Variants in PPP4R1 observed in about 807,000 individuals in gnomAD.
PPP4R1 encodes serine/threonine-protein phosphatase 4 regulatory subunit 1.
PPP4R1 carries 42 observed loss-of-function variants against 111.2 expected under a neutral mutation model. That is an observed-to-expected ratio of 0.38 (90% confidence interval 0.29 to 0.49). PPP4R1 has a LOEUF of 0.49. Ranked by LOEUF, PPP4R1 falls within the 20% of genes least tolerant of loss-of-function variation. PPP4R1 has a pLI of 0.97. For missense variants in PPP4R1, 1,012 were observed against 1,161.6 expected (o/e 0.87, Z 1.87); for synonymous variants, 409 against 405.5 (o/e 1.01, Z -0.10).
chr18:9,555,425 G>C (rs917319034), intron 15 of PPP4R1, among the ~76,000 whole-genome samples: 3 of 152,148 alleles, frequency 2.0e-5, no homozygotes, highest in African/African-American at 7.2e-5. Context: ...CTGGATATGA[G>C]AGCACTGGTG....
chr18:9,588,256 C>T (rs778403201), intron 5 of PPP4R1, 21 bp from the exon 6 acceptor site: 1 of 1,609,442 alleles, frequency 6.2e-7, no homozygotes, highest in African/African-American at 1.3e-5. Context: ...AATAACAACA[C>T]AAAGAAAGTA....
intron 6 of PPP4R1, among the ~76,000 whole-genome samples, chr18:9,587,197 A>G (rs1329370119): frequency 6.6e-6 from 1 of 152,158 alleles, no homozygotes; most frequent in Admixed American, 6.5e-5. Context: ...TAAAATTTTA[A>G]CTGCACTGAT....
intron 10 of PPP4R1, among the ~76,000 whole-genome samples, chr18:9,573,544 A>G (rs553255775): frequency 1.3e-5 from 2 of 152,344 alleles, no homozygotes; most frequent in Admixed American, 1.3e-4. Context: ...GCAAATGGGT[A>G]AAACTTGTAA....
rs2067640651 is a variant in PPP4R1, at chr18:9,614,156, C to T, written c.52+70G>A. On this transcript the variant is annotated intron_variant, in intron 2 of 19. Coordinates refer to ENST00000400556, the MANE Select transcript of PPP4R1 (RefSeq NM_001042388.3). The surrounding 1 kb of genome is among the most constrained non-coding windows in gnomAD (Gnocchi z 4.1). ...CAGCCAGCCAGGGCCCGGCCCAGGC[C>T]TCGCCGCCGCCCGCCCTCCCCGGCC... is the stretch of plus-strand genomic sequence containing the variant. The T allele has an allele frequency of 1.6e-6, 2 of 1,250,568 alleles. No individual in the cohort carries two copies. The highest frequency in any genetic ancestry group is 2.0e-6 in the Non-Finnish European group (2 of 980,096). 77.5% of individuals were successfully genotyped at this position (1,250,568 alleles called of 1,614,324 possible).
chr18:9,607,474 G>A (rs2067501065), intron 2 of PPP4R1, among the ~76,000 whole-genome samples: 1 of 151,738 alleles, frequency 6.6e-6, no homozygotes, highest in South Asian at 2.1e-4. Context: ...AATATATAAC[G>A]AACTCTCAAA....
Position 9,614,249 on chromosome 18 carries a change from T to C in PPP4R1, c.29A>G (p.Asp10Gly). 1 of 1,338,536 alleles carries C rather than the reference T, an allele frequency of 7.5e-7. No individual in the cohort carries two copies. Among genetic ancestry groups the C allele is most frequent in the South Asian group, 1.7e-5 (1 of 58,848 alleles). 82.9% of individuals were successfully genotyped at this position (1,338,536 alleles called of 1,614,324 possible). ...ACATCCGTCTGCGTCCTCCTGCAGG[T>C]CCTCCTGAAGCAGCGAGAGGTCTGC... Reference protein sequence around the residue: MADLSLLQEDLQEDADGFGV... With the variant: MADLSLLQEGLQEDADGFGV... The change falls in exon 2 of 20, where the codon GAC becomes GGC. Residue 10 changes from aspartate (D) to glycine (G), a missense_variant. Transcript: ENST00000400556. This position sits in a 1 kb window ranked among gnomAD's most constrained non-coding sequence, Gnocchi z 4.1.
At chr18:9,558,634 A>C (rs1460632381) in intron 14 of PPP4R1, among the ~76,000 whole-genome samples, 1 of 152,100 alleles carries the variant, frequency 6.6e-6, no homozygotes, top group Non-Finnish European at 1.5e-5. Context: ...TCCTTGAAAA[A>C]TACAATTACT....
chr18:9,615,407 T>C (rs934691117), upstream of PPP4R1: 1 of 152,190 alleles, frequency 6.6e-6, no homozygotes, highest in African/African-American at 2.4e-5. Flanking sequence ...AAATGAAGAA[T>C]GTAGGGAACC....
intron 4 of PPP4R1, 79 bp from the exon 5 acceptor site, chr18:9,588,932 G>A: frequency 6.6e-7 from 1 of 1,509,306 alleles, no homozygotes; most frequent in Non-Finnish European, 8.9e-7. Context: ...GGGTACTTAG[G>A]AAGGCTATGG....
chr18:9,584,375 C>A (rs1321907390), intron 8 of PPP4R1, 140 bp downstream of exon 8: 4 of 646,480 alleles, frequency 6.2e-6, no homozygotes, highest in East Asian at 6.2e-5. Context: ...GATATTTAAA[C>A]TCCTAAATTC....
At chr18:9,560,862 C>G (rs1455616276) in intron 13 of PPP4R1, among the ~76,000 whole-genome samples, 1 of 149,378 alleles carries the variant, frequency 6.7e-6, no homozygotes, top group Non-Finnish European at 1.5e-5. Flanking sequence ...GACCCCATCT[C>G]TAACAACAAT....
rs376357126 is a variant in PPP4R1, at chr18:9,588,866, C to A, written c.296-13G>T. ...CTCACAGTTGGTTCTATTGAAATAA[C>A]GGCAATGTGAGCAAACATGTTCTCC... On this transcript the variant is annotated splice_polypyrimidine_tract_variant and intron_variant, in intron 4 of 19. Transcript: ENST00000400556. The A allele has an allele frequency of 1.2e-6, 2 of 1,610,268 alleles. No individual in the cohort carries two copies. The highest frequency in any genetic ancestry group is 4.5e-5 in the East Asian group (2 of 44,854).
At chr18:9,576,482 T>C (rs962106854) in intron 10 of PPP4R1, among the ~76,000 whole-genome samples, 3 of 152,170 alleles carry the variant, frequency 2.0e-5, no homozygotes, top group African/African-American at 7.2e-5. Flanking sequence ...GCCGACTCTT[T>C]AAGCTTTATT....
At chr18:9,616,521 G>T (rs2145405735), upstream of PPP4R1, among the ~76,000 whole-genome samples, 1 of 152,182 alleles carries the variant, frequency 6.6e-6, no homozygotes, top group African/African-American at 2.4e-5. Flanking sequence ...CAATCCTCTG[G>T]CCTTGGTCTC....
intron 2 of PPP4R1, among the ~76,000 whole-genome samples, chr18:9,600,728 A>AT (rs1210421582): frequency 6.6e-6 from 1 of 151,900 alleles, no homozygotes; most frequent in East Asian, 1.9e-4. Context: ...AAGATACAAA[A>AT]ATATTAGCTG....
intron 2 of PPP4R1, among the ~76,000 whole-genome samples, chr18:9,610,694 C>T (rs925755216): frequency 2.0e-5 from 3 of 152,070 alleles, no homozygotes; most frequent in South Asian, 2.1e-4. Context: ...CTCCTGACCT[C>T]GTGATCCGCC....
In PPP4R1 at chr18:9,614,312, G is replaced by A. The variant is rs2067646150; in HGVS notation, c.8-42C>T. On this transcript the variant is annotated intron_variant, in intron 1 of 19. Transcript: ENST00000400556. The surrounding 1 kb of genome is among the most constrained non-coding windows in gnomAD (Gnocchi z 4.1). The stretch of plus-strand genomic sequence containing the variant: ...GAAGAAAGGCCCGGTCAGCGCCCCG[G>A]GGCCCGGCGCGACGCCCCCCCCCCG... 3.3e-6 allele frequency: 4 copies of A among 1,205,884 alleles called. No homozygotes were observed. The highest frequency in any genetic ancestry group is 4.2e-6 in the Non-Finnish European group (4 of 959,478). The allele number at this position is 1,205,884 out of a possible 1,614,324, so 74.7% of individuals were successfully genotyped here.
At chr18:9,564,272 C>T (rs766038903) in intron 11 of PPP4R1, among the ~76,000 whole-genome samples, 2 of 152,162 alleles carry the variant, frequency 1.3e-5, no homozygotes, top group African/African-American at 4.8e-5. Context: ...AAAAATATTG[C>T]TTAGCATTTA....
Position 9,562,075 on chromosome 18 carries a change from T to C in PPP4R1, c.1747A>G (p.Asn583Asp), listed in dbSNP as rs776581491. 1 of 1,605,210 alleles carries C rather than the reference T, an allele frequency of 6.2e-7. No homozygotes were observed. The highest frequency in any genetic ancestry group is 8.5e-7 in the Non-Finnish European group (1 of 1,172,290). ...SVPLISDAVE[N>D]MDSTLHYIHS... ...ATATAGTGAAGAGTGGAGTCCATAT[T>C]CTGTTAGGAAAAAATAACTACTTAA... The change falls in exon 13 of 20, where the codon AAT becomes GAT. Residue 583 changes from asparagine to aspartate, a missense_variant and splice_region_variant. By Grantham distance (23) the Asn-to-Asp change is conservative (BLOSUM62 1). Coordinates refer to ENST00000400556, the MANE Select transcript of PPP4R1 (RefSeq NM_001042388.3).
Sources: allele counts gnomAD v4.1 joint callset (sites outside exome capture counted in the v4.1 genomes callset), GRCh38; gene constraint gnomAD v4.1.1; non-coding constraint Gnocchi (gnomAD v3.1); transcripts MANE v1.5; gene names NCBI Gene and HGNC (gene_info 2026-07-23, HGNC 2026-07-21).